FOXJ2: variants seen among roughly 807,000 people sequenced by gnomAD.
FOXJ2 encodes forkhead box J2.
FOXJ2 carries 18 observed loss-of-function variants against 68.4 expected under a neutral mutation model. That is an observed-to-expected ratio of 0.26 (90% confidence interval 0.18 to 0.39). The LOEUF (loss-of-function observed/expected upper bound fraction) is 0.39, where lower values mean the gene tolerates loss of function less well. FOXJ2 is among the 10% of genes least tolerant of loss of function. FOXJ2 has a pLI of 1.00. For missense variants in FOXJ2, 670 were observed against 726.5 expected, an observed-to-expected ratio of 0.92 and a Z score of 0.89; for synonymous variants, 274 against 263.2, an observed-to-expected ratio of 1.04 and a Z score of -0.40.
At position 8,044,834 on chromosome 12, in the gene FOXJ2, C is replaced by T; in HGVS notation, c.693C>T (p.Pro231=). 1 of 1,613,992 alleles carries T rather than the reference C, an allele frequency of 6.2e-7. No individual in the cohort carries two copies. The highest frequency in any genetic ancestry group is 8.5e-7 in the Non-Finnish European group (1 of 1,179,890). The part of the protein sequence containing the change: ...SGRESAEGPP[P]LYNTNHDFKF... ...GAGAAAGTGCTGAGGGTCCCCCTCC[C>T]CTCTATAACACCAACCATGACTTTA... is the stretch of plus-strand genomic sequence containing the variant. The change falls in exon 6 of 11, where the codon CCC becomes CCT. Residue 231 remains proline, a synonymous_variant. Coordinates refer to ENST00000162391, the MANE Select transcript of FOXJ2 (RefSeq NM_018416.3).
In FOXJ2 at chr12:8,049,484, G is replaced by C. The variant is rs774762802; in HGVS notation, c.1450G>C (p.Gly484Arg). The change falls in exon 9 of 11, where the codon GGG (glycine) becomes CGG (arginine). Residue 484 changes from glycine (G) to arginine (R), a missense_variant. Gly to Arg is a moderately radical substitution (Grantham distance 125). Transcript: ENST00000162391. ...LTQTGHVPPQGGTHRPPAPAR... is the reference protein window; with the variant it reads ...LTQTGHVPPQRGTHRPPAPAR... ...TCAGACTGGTCACGTGCCCCCTCAAGGGGGTACCCACCGCCCACCAGCCCC... is the reference window on the plus strand; with the variant it reads ...TCAGACTGGTCACGTGCCCCCTCAACGGGGTACCCACCGCCCACCAGCCCC... 5.0e-6 allele frequency: 8 copies of C among 1,614,058 alleles called. No individual in the cohort carries two copies. Among genetic ancestry groups the C allele is most frequent in the Non-Finnish European group, 6.8e-6 (8 of 1,179,972 alleles).
At chr12:8,046,145 T>G (rs1217399569) in intron 6 of FOXJ2, among the ~76,000 whole-genome samples, 1 of 152,142 alleles carries the variant, frequency 6.6e-6, no homozygotes, top group East Asian at 1.9e-4. Context: ...CTAAGGGCAG[T>G]GATTTTAGGG....
rs767376889 is a variant in FOXJ2, at chr12:8,052,886, G to C, written c.*36G>C. ...AGTGTGGACATCAGCCCAGGGCCGC[G>C]TGGTGAAATCTGGCAGTGGGGAAAG... is the stretch of plus-strand genomic sequence containing the variant. On this transcript the variant is annotated 3_prime_UTR_variant, in exon 11 of 11. Transcript: ENST00000162391. The C allele has an allele frequency of 1.4e-5, 22 of 1,558,394 alleles. No individual in the cohort carries two copies. The South Asian group carries it at 2.4e-4, about 17-fold the overall frequency.
chr12:8,044,985 G>A, intron 6 of FOXJ2, 27 bp downstream of exon 6: 1 of 1,598,750 alleles, frequency 6.3e-7, no homozygotes, highest in Non-Finnish European at 8.5e-7. Flanking sequence ...GATGGGTGCA[G>A]GGAGACTTTT....
At position 8,042,744 on chromosome 12, in the gene FOXJ2, C is replaced by G; in HGVS notation, c.408+12C>G. 1 of 1,607,870 alleles carries G rather than the reference C, an allele frequency of 6.2e-7. No individual in the cohort carries two copies. Among genetic ancestry groups the G allele is most frequent in the Non-Finnish European group, 8.5e-7 (1 of 1,174,422 alleles). On this transcript the variant is annotated intron_variant, in intron 3 of 10. Coordinates refer to ENST00000162391, the MANE Select transcript of FOXJ2 (RefSeq NM_018416.3). The stretch of plus-strand genomic sequence containing the variant: ...ATGACCCTGGGAAGGTAAGATACTA[C>G]TGTAAGCATTGAAAGGAGGAGTAGG...
In FOXJ2 at chr12:8,049,579, A is replaced by G; in HGVS notation, c.1537+8A>G. The G allele has an allele frequency of 6.4e-7, 1 of 1,558,936 alleles. No individual in the cohort carries two copies. Among genetic ancestry groups the G allele is most frequent in the Non-Finnish European group, 8.7e-7 (1 of 1,147,174 alleles). On this transcript the variant is annotated splice_region_variant and intron_variant, in intron 9 of 10. Coordinates refer to ENST00000162391, the MANE Select transcript of FOXJ2 (RefSeq NM_018416.3). ...AGTCAGCCATGAGCCAAGGTACTGCACCAAGCCAGTTGCCATGGAGGTGGA... is the reference window on the plus strand; with the variant it reads ...AGTCAGCCATGAGCCAAGGTACTGCGCCAAGCCAGTTGCCATGGAGGTGGA...
At position 8,044,897 on chromosome 12, in the gene FOXJ2, C is replaced by T; in HGVS notation, c.756C>T (p.Ser252=). The change falls in exon 6 of 11, where the codon AGC becomes AGT. Residue 252 remains serine, a synonymous_variant. Coordinates refer to ENST00000162391, the MANE Select transcript of FOXJ2 (RefSeq NM_018416.3). ...SYSEINFQDL[S]WSFRNLYKSM... ...CAGAGATCAACTTTCAGGATCTAAG[C>T]TGGTCCTTCCGCAACCTCTATAAGT... is the stretch of plus-strand genomic sequence containing the variant. The T allele has an allele frequency of 6.2e-7, 1 of 1,614,200 alleles. No homozygotes were observed.
At chr12:8,042,826 A>G in intron 3 of FOXJ2, 94 bp downstream of exon 3, 1 of 1,024,372 alleles carries the variant, frequency 9.8e-7, no homozygotes, top group Non-Finnish European at 1.5e-6. Context: ...ATTACCCAGA[A>G]GAGGAAATCA....
chr12:8,044,822 G>C lies in FOXJ2; in HGVS notation c.681G>C (p.Glu227Asp). 6.2e-7 allele frequency: 1 copy of C among 1,613,954 alleles called. No homozygotes were observed. The highest frequency in any genetic ancestry group is 8.5e-7 in the Non-Finnish European group (1 of 1,179,866). The change falls in exon 6 of 11, where the codon GAG (glutamate) becomes GAC (aspartate). Residue 227 changes from glutamate to aspartate, a missense_variant. Transcript: ENST00000162391. The part of the protein sequence containing the change: ...AAGASGRESA[E>D]GPPPLYNTNH... ...GGGCTTCAGGCCGAGAAAGTGCTGA[G>C]GGTCCCCCTCCCCTCTATAACACCA...
At chr12:8,051,574 C>G (rs1390893166) in intron 10 of FOXJ2, among the ~76,000 whole-genome samples, 1 of 152,146 alleles carries the variant, frequency 6.6e-6, no homozygotes. Context: ...AATTTGTTAT[C>G]CACACATACT....
At position 8,048,146 on chromosome 12, in the gene FOXJ2, C is replaced by T; in HGVS notation, c.1082C>T (p.Pro361Leu). 1 of 1,613,896 alleles carries T rather than the reference C, an allele frequency of 6.2e-7. No individual in the cohort carries two copies. Among genetic ancestry groups the T allele is most frequent in the East Asian group, 2.2e-5 (1 of 44,876 alleles). The change falls in exon 7 of 11, where the codon CCT becomes CTT. Residue 361 changes from proline to leucine, a missense_variant. Pro to Leu is a moderately conservative substitution (Grantham distance 98, BLOSUM62 -3). Around this residue, in one of 2 missense-constraint regions of FOXJ2, gnomAD observed 555 missense variants for 562.2 expected, o/e 0.99. Transcript: ENST00000162391. ...GGGGCGGAAGGCTATGGGCCTCCCCCTGTAATGGCCATGCATCCACCCCCG... is the reference window on the plus strand; with the variant it reads ...GGGGCGGAAGGCTATGGGCCTCCCCTTGTAATGGCCATGCATCCACCCCCG... ...QAGAEGYGPP[P>L]VMAMHPPPLQ...
chr12:8,050,287 T>C, intron 9 of FOXJ2: 2 of 1,255,498 alleles, frequency 1.6e-6, no homozygotes, highest in South Asian at 5.4e-5. Context: ...TGTGTTTCTA[T>C]ATTTTTCTTC....
chr12:8,049,264 G>C, intron 8 of FOXJ2, 98 bp from the exon 9 acceptor site: 1 of 850,040 alleles, frequency 1.2e-6, no homozygotes, highest in Non-Finnish European at 1.9e-6. Flanking sequence ...TATCAGTGGG[G>C]GTGATTGATG....
At chr12:8,045,416 A>G (rs565103803) in intron 6 of FOXJ2, among the ~76,000 whole-genome samples, 1 of 152,106 alleles carries the variant, frequency 6.6e-6, no homozygotes, top group Admixed American at 6.5e-5. Context: ...GGGTTTCACC[A>G]TGTTGGCCAG....
intron 6 of FOXJ2, among the ~76,000 whole-genome samples, chr12:8,045,201 G>A (rs1487763404): frequency 6.8e-6 from 1 of 146,830 alleles, no homozygotes; most frequent in Non-Finnish European, 1.5e-5. Flanking sequence ...GTGCTACCAC[G>A]CTTGGCTAAT....
Position 8,054,848 on chromosome 12 carries a change from C to T in FOXJ2, c.*1998C>T, listed in dbSNP as rs1947167089. Reference sequence around the variant, plus strand: ...TATACAAAACTTCCCATCAGTTCTCCTCAATATTCCCCATTTGTAAATGAT... The same window carrying T: ...TATACAAAACTTCCCATCAGTTCTCTTCAATATTCCCCATTTGTAAATGAT... On this transcript the variant is annotated 3_prime_UTR_variant, in exon 11 of 11. Coordinates refer to ENST00000162391, the MANE Select transcript of FOXJ2 (RefSeq NM_018416.3). The T allele has an allele frequency of 1.3e-5, 2 of 152,250 alleles. No individual in the cohort carries two copies. The highest frequency in any genetic ancestry group is 6.5e-5 in the Admixed American group (1 of 15,278). 9.4% of individuals were successfully genotyped at this position (152,250 alleles called of 1,614,324 possible).
chr12:8,039,764 G>T, intron 1 of FOXJ2, 55 bp from the exon 2 acceptor site: 1 of 1,423,208 alleles, frequency 7.0e-7, no homozygotes, highest in Non-Finnish European at 9.6e-7. Flanking sequence ...CAAACAAAAG[G>T]ATTTGAGTAT....
intron 6 of FOXJ2, among the ~76,000 whole-genome samples, chr12:8,046,113 T>C (rs1947033694): frequency 6.6e-6 from 1 of 152,198 alleles, no homozygotes; most frequent in Non-Finnish European, 1.5e-5. Context: ...GAAAGTGAAT[T>C]GGAGGATTGC....
rs76295138 is a variant in FOXJ2 at position 8,054,480 on chromosome 12, C to T, written c.*1630C>T. On this transcript the variant is annotated 3_prime_UTR_variant, in exon 11 of 11. Coordinates refer to ENST00000162391, the MANE Select transcript of FOXJ2 (RefSeq NM_018416.3). ...AATTTCCAAGAGGTTTGGCGTTCCGCTCTCCTGCTTTTTTCTTTCATCCAC... is the reference window on the plus strand; with the variant it reads ...AATTTCCAAGAGGTTTGGCGTTCCGTTCTCCTGCTTTTTTCTTTCATCCAC... The T allele has an allele frequency of 6.8e-3, 1,032 of 152,640 alleles. 2 individuals are homozygous for T. The highest frequency in any genetic ancestry group is 0.012 in the Non-Finnish European group (810 of 68,030). The allele number at this position is 152,640 out of a possible 1,614,324, so 9.5% of individuals were successfully genotyped here. A position where few individuals can be genotyped will look rare whatever the true frequency, so the allele number is the denominator to read the frequency against.
Sources: allele counts gnomAD v4.1 joint callset (sites outside exome capture counted in the v4.1 genomes callset), GRCh38; gene constraint gnomAD v4.1.1; regional missense constraint gnomAD v4.1.1; transcripts MANE v1.5; gene names NCBI Gene and HGNC (gene_info 2026-07-23, HGNC 2026-07-21).